RHOH: variants seen among roughly 807,000 people sequenced by gnomAD.
RHOH encodes the protein rho-related GTP-binding protein RhoH.
In RHOH, 6 loss-of-function variants were observed where a neutral mutation model predicts 13.8. The observed-to-expected ratio is 0.44, with a 90% CI of 0.24 to 0.86. RHOH has a LOEUF of 0.86. Ranked by LOEUF, RHOH falls within the 40% of genes least tolerant of loss-of-function variation. The probability of loss-of-function intolerance (pLI) is 0.24; values close to 1 mark genes in which losing one functional copy is unlikely to be tolerated. For missense variants in RHOH, 147 were observed against 244.5 expected (o/e 0.60, Z 2.66); for synonymous variants, 117 against 103.0 (o/e 1.14, Z -0.82).
upstream of RHOH, among the ~76,000 whole-genome samples, chr4:40,193,447 T>C (rs570799035): frequency 1.4e-3 from 180 of 131,718 alleles, no homozygotes; most frequent in Admixed American, 2.6e-3. Context: ...CCACTACCCC[T>C]GTCGGTTAAA....
chr4:40,215,699 C>G (rs372229425), intron 1 of RHOH, among the ~76,000 whole-genome samples: 1 of 152,164 alleles, frequency 6.6e-6, no homozygotes, highest in Non-Finnish European at 1.5e-5. Context: ...GAGGCCAAGG[C>G]GGGTGGATCA....
In RHOH at chr4:40,243,265, C is replaced by T; in HGVS notation, c.-122C>T. ...CATTCTGCAAATCGCCGTCAGAGGTCCTGAGGACACAGACCTACCTGGCTT... is the reference window on the plus strand; with the variant it reads ...CATTCTGCAAATCGCCGTCAGAGGTTCTGAGGACACAGACCTACCTGGCTT... On this transcript the variant is annotated 5_prime_UTR_variant, in exon 3 of 3. Coordinates refer to ENST00000381799, the MANE Select transcript of RHOH (RefSeq NM_004310.5). The surrounding 1 kb of genome is among the most constrained non-coding windows in gnomAD (Gnocchi z 6.2). The T allele has an allele frequency of 1.3e-6, 1 of 767,930 alleles. No homozygotes were observed. The highest frequency in any genetic ancestry group is 2.1e-6 in the Non-Finnish European group (1 of 481,816). The allele number at this position is 767,930 out of a possible 1,614,324, so 47.6% of individuals were successfully genotyped here.
At chr4:40,229,918 C>CA (rs1352634105) in intron 1 of RHOH, among the ~76,000 whole-genome samples, 18 of 151,948 alleles carry the variant, frequency 1.2e-4, no homozygotes, top group African/African-American at 4.4e-4. Flanking sequence ...ATACAATTGA[C>CA]AAATTGATTG....
intron 1 of RHOH, among the ~76,000 whole-genome samples, chr4:40,203,230 C>T (rs1222256322): frequency 6.6e-6 from 1 of 152,198 alleles, no homozygotes. Flanking sequence ...CCTCGGCCTC[C>T]CAAAGTGCTG....
At chr4:40,231,250 G>A (rs1456151458) in intron 1 of RHOH, among the ~76,000 whole-genome samples, 1 of 150,654 alleles carries the variant, frequency 6.6e-6, no homozygotes, top group African/African-American at 2.4e-5. Flanking sequence ...AGACCCGTAC[G>A]ATGTTATGTT....
chr4:40,191,935 G>T (rs565207124), upstream of RHOH, among the ~76,000 whole-genome samples: 6 of 146,238 alleles, frequency 4.1e-5, no homozygotes, highest in Non-Finnish European at 7.5e-5. Flanking sequence ...AGGGAGGCTG[G>T]TTTTTTTTTT....
upstream of RHOH, chr4:40,196,896 G>C (rs758847559): frequency 1.3e-5 from 2 of 152,038 alleles, no homozygotes; most frequent in Non-Finnish European, 2.9e-5. Context: ...CTCTGATCTG[G>C]GGAAGTTTCA....
intron 1 of RHOH, among the ~76,000 whole-genome samples, chr4:40,202,566 T>C (rs925203431): frequency 6.6e-6 from 1 of 152,232 alleles, no homozygotes; most frequent in Non-Finnish European, 1.5e-5. Flanking sequence ...GTGAACCACA[T>C]GGGGCTTTAC....
intron 1 of RHOH, among the ~76,000 whole-genome samples, chr4:40,224,054 G>A (rs1236224536): frequency 2.6e-5 from 4 of 152,178 alleles, no homozygotes; most frequent in South Asian, 4.1e-4. Context: ...TTACAGGCTC[G>A]AGCCACTGCT....
intron 1 of RHOH, among the ~76,000 whole-genome samples, chr4:40,240,638 A>G (rs778362371): frequency 2.6e-5 from 4 of 151,604 alleles, no homozygotes; most frequent in Non-Finnish European, 5.9e-5. Flanking sequence ...TTAGCTGGGT[A>G]TGATAGTGCA....
At chr4:40,195,811 G>A (rs1723080849), upstream of RHOH, among the ~76,000 whole-genome samples, 1 of 152,180 alleles carries the variant, frequency 6.6e-6, no homozygotes, top group Admixed American at 6.5e-5. Flanking sequence ...GATCTCAGCT[G>A]GCAGATTGAG....
At position 40,214,670 on chromosome 4, in the gene RHOH, C is replaced by A. The variant is rs558509802; in HGVS notation, c.-331+17370C>A. Among the ~76,000 whole-genome samples, 46 of 152,332 alleles carry A rather than the reference C, an allele frequency of 3.0e-4. 1 individual carries two copies. In the South Asian group the frequency reaches 9.3e-3, roughly 31 times the overall value. ...GAGTTAGTCATCCATGGAAAACAGG[C>A]ATGTTTGAGAATCATATTCTGGCAG... On this transcript the variant is annotated intron_variant, in intron 1 of 2. Transcript: ENST00000381799.
chr4:40,198,579 ATCCCTGTGCCT>A (rs1723536028), intron 1 of RHOH, among the ~76,000 whole-genome samples: 1 of 152,196 alleles, frequency 6.6e-6, no homozygotes, highest in Non-Finnish European at 1.5e-5. Flanking sequence ...TGCTTTCTGC[ATCCCTGTGCCT>A]GGCTGTGGGC....
chr4:40,236,878 G>A (rs1450423948), intron 1 of RHOH, among the ~76,000 whole-genome samples: 1 of 152,086 alleles, frequency 6.6e-6, no homozygotes, highest in Non-Finnish European at 1.5e-5. Flanking sequence ...AGCTAATTAT[G>A]GTGAAATACG....
At chr4:40,196,954 A>G (rs943961131), upstream of RHOH, 3 of 149,674 alleles carry the variant, frequency 2.0e-5, no homozygotes, top group African/African-American at 7.4e-5. Context: ...CCCTAAACCC[A>G]CACAAATGAA....
intron 1 of RHOH, among the ~76,000 whole-genome samples, chr4:40,221,691 A>G (rs780054415): frequency 1.3e-5 from 2 of 152,166 alleles, no homozygotes; most frequent in East Asian, 1.9e-4. Flanking sequence ...TCTCTGAGAC[A>G]CAATGATATT....
intron 1 of RHOH, among the ~76,000 whole-genome samples, chr4:40,225,633 A>G (rs139746098): frequency 6.6e-6 from 1 of 152,314 alleles, no homozygotes; most frequent in African/African-American, 2.4e-5. Flanking sequence ...ATGGTGTGTG[A>G]GAGTGTCTGA....
intron 1 of RHOH, among the ~76,000 whole-genome samples, chr4:40,208,723 G>T (rs944025797): frequency 2.6e-5 from 4 of 152,070 alleles, no homozygotes; most frequent in Non-Finnish European, 5.9e-5. Context: ...AACAACGCAA[G>T]GTGTTTTATT....
intron 1 of RHOH, among the ~76,000 whole-genome samples, chr4:40,199,600 C>T (rs543306365): frequency 3.9e-5 from 6 of 152,312 alleles, no homozygotes; most frequent in African/African-American, 7.2e-5. Flanking sequence ...TGGTTGACGT[C>T]GCTCTCTGAA....
Sources: allele counts gnomAD v4.1 joint callset (sites outside exome capture counted in the v4.1 genomes callset), GRCh38; gene constraint gnomAD v4.1.1; non-coding constraint Gnocchi (gnomAD v3.1); transcripts MANE v1.5; gene names NCBI Gene and HGNC (gene_info 2026-07-23, HGNC 2026-07-21).